The following PPM1E variants were observed in gnomAD, a reference collection of about 807,000 sequenced individuals.
PPM1E encodes protein phosphatase 1E.
Under a neutral mutation model 65.9 loss-of-function variants are expected in PPM1E, and 20 were observed. The ratio of observed to expected loss-of-function variants is 0.30; its 90% CI spans 0.21 to 0.44. The LOEUF (loss-of-function observed/expected upper bound fraction) is 0.44. Ranked by LOEUF, PPM1E falls within the 20% of genes least tolerant of loss-of-function variation. PPM1E has a pLI of 1.00. For missense variants in PPM1E, 713 were observed against 953.1 expected (o/e 0.75, Z 3.32); for synonymous variants, 352 against 374.9 (o/e 0.94, Z 0.70).
intron 4 of PPM1E, among the ~76,000 whole-genome samples, 166 bp downstream of exon 4, chr17:58,969,893 A>G (rs986123830): frequency 1.3e-5 from 2 of 152,194 alleles, no homozygotes; most frequent in Admixed American, 6.5e-5. Context: ...TTCCCTCCTC[A>G]GGAAGAGTTT....
intron 1 of PPM1E, among the ~76,000 whole-genome samples, chr17:58,853,106 A>G (rs568156041): frequency 2.8e-4 from 43 of 152,308 alleles, no homozygotes; most frequent in African/African-American, 8.7e-4. Context: ...AAATTTTCAT[A>G]AAGTCCAGTT....
chr17:58,955,934 AAAGG>A (rs1304899621), intron 2 of PPM1E, among the ~76,000 whole-genome samples, 167 bp downstream of exon 2: 4 of 152,184 alleles, frequency 2.6e-5, no homozygotes, highest in Non-Finnish European at 4.4e-5. Flanking sequence ...TAAATCAATA[AAAGG>A]AAGGGAAGAA....
At chr17:58,859,956 G>A (rs2143296897) in intron 1 of PPM1E, among the ~76,000 whole-genome samples, 1 of 152,110 alleles carries the variant, frequency 6.6e-6, no homozygotes, top group East Asian at 1.9e-4. Context: ...GTTTCCCCTT[G>A]GGCTGCAGTA....
At chr17:58,943,650 C>G (rs1436205159) in intron 1 of PPM1E, among the ~76,000 whole-genome samples, 1 of 152,052 alleles carries the variant, frequency 6.6e-6, no homozygotes, top group Non-Finnish European at 1.5e-5. Flanking sequence ...AGCATGAGTT[C>G]ATATTTAACT....
intron 1 of PPM1E, among the ~76,000 whole-genome samples, chr17:58,807,179 TTTTG>T (rs1386711812): frequency 7.9e-5 from 12 of 152,228 alleles, no homozygotes; most frequent in African/African-American, 2.7e-4. Context: ...TTCTCTTTAC[TTTTG>T]TGCATATTTG....
At chr17:58,919,617 C>G (rs2051726906) in intron 1 of PPM1E, among the ~76,000 whole-genome samples, 1 of 151,950 alleles carries the variant, frequency 6.6e-6, no homozygotes, top group Non-Finnish European at 1.5e-5. Context: ...GAAACCCTGT[C>G]TCTACTAAAA....
At chr17:58,881,719 C>T (rs1163189322) in intron 1 of PPM1E, among the ~76,000 whole-genome samples, 2 of 151,798 alleles carry the variant, frequency 1.3e-5, no homozygotes, top group Non-Finnish European at 2.9e-5. Context: ...TAGTGTGCAC[C>T]TGTAGTCTCA....
At chr17:58,805,962 AAAAAAAAAAAAC>A (rs2050303831) in intron 1 of PPM1E, among the ~76,000 whole-genome samples, 1 of 86,932 alleles carries the variant, frequency 1.2e-5, no homozygotes, top group African/African-American at 5.6e-5. Context: ...AAAAAAAAAC[AAAAAAAAAAAAC>A]AAAAAAAAAA....
chr17:58,953,908 C>T (rs1020265696), intron 1 of PPM1E, among the ~76,000 whole-genome samples: 11 of 152,118 alleles, frequency 7.2e-5, no homozygotes, highest in Non-Finnish European at 1.5e-4. Context: ...CCACCACGCC[C>T]AGCTAATTTT....
intron 1 of PPM1E, among the ~76,000 whole-genome samples, chr17:58,775,958 G>A (rs2049990379): frequency 6.9e-6 from 1 of 144,606 alleles, no homozygotes; most frequent in South Asian, 2.2e-4. Context: ...AAGAATAGTT[G>A]GATTTCAGAG....
intron 1 of PPM1E, among the ~76,000 whole-genome samples, chr17:58,880,606 G>GTGTT (rs1567862496): frequency 5.4e-5 from 7 of 130,086 alleles, no homozygotes; most frequent in African/African-American, 2.0e-4. Flanking sequence ...TGTTGTGAAA[G>GTGTT]AGTTTGTTTG....
chr17:58,980,148 G>C lies in PPM1E; in HGVS notation c.1385G>C (p.Ser462Thr). Residue 462 changes from serine (S) to threonine (T), a missense_variant, in exon 7 of 7, where the codon AGC becomes ACC. Ser to Thr is a moderately conservative substitution (Grantham distance 58, BLOSUM62 1). Transcript: ENST00000308249. The surrounding 1 kb of genome is among the most constrained non-coding windows in gnomAD (Gnocchi z 4.7). ...DHLKENNGDS[S>T]MVAHKLVASA... ...CTGAAAGAGAATAATGGAGACAGCA[G>C]CATGGTTGCCCACAAATTAGTGGCA... The C allele has an allele frequency of 6.2e-7, 1 of 1,614,142 alleles. No homozygotes were observed. The highest frequency in any genetic ancestry group is 8.5e-7 in the Non-Finnish European group (1 of 1,180,016).
intron 1 of PPM1E, among the ~76,000 whole-genome samples, chr17:58,770,420 A>G (rs1375999314): frequency 6.6e-6 from 1 of 152,142 alleles, no homozygotes; most frequent in Non-Finnish European, 1.5e-5. Context: ...CAGCTACTCC[A>G]GAGGAGGAGC....
intron 1 of PPM1E, among the ~76,000 whole-genome samples, chr17:58,839,534 C>T (rs2050696543): frequency 6.6e-6 from 1 of 152,238 alleles, no homozygotes; most frequent in African/African-American, 2.4e-5. Flanking sequence ...AGAGTACTTA[C>T]TCAAGTTGAT....
chr17:58,802,740 A>G (rs1261562271), intron 1 of PPM1E, among the ~76,000 whole-genome samples: 2 of 151,966 alleles, frequency 1.3e-5, no homozygotes, highest in East Asian at 1.9e-4. Context: ...ATATTCAGAT[A>G]TTTCACCTCT....
chr17:58,834,434 G>T (rs935254161), intron 1 of PPM1E, among the ~76,000 whole-genome samples: 1 of 151,920 alleles, frequency 6.6e-6, no homozygotes, highest in African/African-American at 2.4e-5. Context: ...TCCTTTATGG[G>T]TTGTACTTTT....
At chr17:58,798,342 C>T (rs1012829434) in intron 1 of PPM1E, among the ~76,000 whole-genome samples, 1 of 151,114 alleles carries the variant, frequency 6.6e-6, no homozygotes, top group Non-Finnish European at 1.5e-5. Flanking sequence ...GATTCTCCTG[C>T]CTCAGCCTCC....
chr17:58,903,504 G>A (rs1300247344), intron 1 of PPM1E, among the ~76,000 whole-genome samples: 1 of 152,130 alleles, frequency 6.6e-6, no homozygotes, highest in Non-Finnish European at 1.5e-5. Flanking sequence ...TTTCCAGTCT[G>A]TAACTCAGAT....
chr17:58,942,037 T>A (rs2052079255), intron 1 of PPM1E, among the ~76,000 whole-genome samples: 1 of 151,740 alleles, frequency 6.6e-6, no homozygotes, highest in Non-Finnish European at 1.5e-5. Flanking sequence ...TGGTCATAAT[T>A]CATACATTAA....
Sources: gnomAD v4.1 joint callset for allele counts (sites outside exome capture counted in the v4.1 genomes callset) on GRCh38, gnomAD v4.1.1 for gene constraint, Gnocchi (gnomAD v3.1) non-coding constraint, MANE v1.5 for transcripts, NCBI Gene and HGNC (gene_info 2026-07-23, HGNC 2026-07-21) for gene names.